Variants in HDAC9 observed in about 807,000 individuals in gnomAD.
HDAC9 encodes histone deacetylase 9, also known as MEF-2 interacting transcription repressor (MITR) protein.
In HDAC9, 41 loss-of-function variants were observed where a neutral mutation model predicts 139.4. That is an observed-to-expected ratio of 0.29 (90% CI 0.23 to 0.38). The LOEUF is 0.38. Ranked by LOEUF, HDAC9 falls within the 10% of genes least tolerant of loss-of-function variation. The pLI, the probability that HDAC9 is intolerant of heterozygous loss-of-function variation, is 1.00. For synonymous variants in HDAC9, 517 were observed against 476.2 expected (o/e 1.09, Z -1.12); for missense variants, 1,147 against 1,297.0 (o/e 0.88, Z 1.78).
intron 1 of HDAC9, among the ~76,000 whole-genome samples, chr7:18,473,979 T>C (rs1380818012): frequency 6.6e-6 from 1 of 152,212 alleles, no homozygotes; most frequent in African/African-American, 2.4e-5. Flanking sequence ...AACTTGTTCT[T>C]AACTTGCCAA....
chr7:18,491,150 C>T (rs1445662736), upstream of HDAC9, among the ~76,000 whole-genome samples: 4 of 151,798 alleles, frequency 2.6e-5, no homozygotes, highest in Admixed American at 6.6e-5. Context: ...ACAACTTGAA[C>T]TCCATAATCT....
chr7:18,246,530 G>A (rs972657371), intron 2 of HDAC9, among the ~76,000 whole-genome samples: 1 of 151,954 alleles, frequency 6.6e-6, no homozygotes, highest in Admixed American at 6.6e-5. Context: ...ACCTTCCTCA[G>A]ACTCCCGGAA....
intron 25 of HDAC9, among the ~76,000 whole-genome samples, chr7:18,986,557 C>CT (rs1250284782): frequency 1.5e-5 from 2 of 136,138 alleles, no homozygotes; most frequent in Admixed American, 7.7e-5. Flanking sequence ...AATGCGGGCT[C>CT]TTTTTTGGTT....
intron 1 of HDAC9, among the ~76,000 whole-genome samples, chr7:18,373,441 G>A (rs1784745807): frequency 6.6e-6 from 1 of 152,134 alleles, no homozygotes; most frequent in South Asian, 2.1e-4. Context: ...GACTGCATAT[G>A]GGATTATTAC....
chr7:18,687,134 T>G (rs932965622), intron 12 of HDAC9, among the ~76,000 whole-genome samples: 2 of 151,876 alleles, frequency 1.3e-5, no homozygotes, highest in African/African-American at 2.4e-5. Flanking sequence ...TAAACATTTA[T>G]GCTTTCTAAT....
At chr7:18,652,959 G>A (rs778164907) in intron 11 of HDAC9, among the ~76,000 whole-genome samples, 15 of 152,042 alleles carry the variant, frequency 9.9e-5, no homozygotes, top group African/African-American at 1.4e-4. Flanking sequence ...AATACAGGCC[G>A]GGTGCAATGG....
chr7:18,775,624 A>G (rs10264358), intron 16 of HDAC9, among the ~76,000 whole-genome samples: 149,423 of 152,078 alleles, frequency 0.98, 73,410 homozygotes, highest in East Asian at 1. Context: ...GTACTGTCCA[A>G]TACCATCCTA....
intron 2 of HDAC9, among the ~76,000 whole-genome samples, chr7:18,273,722 T>G (rs1184899821): frequency 2.6e-5 from 4 of 152,136 alleles, no homozygotes; most frequent in Non-Finnish European, 5.9e-5. Context: ...TGATGAACAT[T>G]AAATATAACA....
At chr7:18,207,829 C>T (rs1463985606) in intron 2 of HDAC9, among the ~76,000 whole-genome samples, 2 of 152,040 alleles carry the variant, frequency 1.3e-5, no homozygotes, top group East Asian at 1.9e-4. Context: ...ATTCTCCTGT[C>T]TCAGCCTTCT....
intron 6 of HDAC9, among the ~76,000 whole-genome samples, chr7:18,626,745 C>T (rs1191456042): frequency 6.6e-6 from 1 of 152,178 alleles, no homozygotes; most frequent in Non-Finnish European, 1.5e-5. Flanking sequence ...CTCAAGTAGA[C>T]AAACAGGAGT....
At chr7:18,468,102 A>G (rs1794440062) in intron 1 of HDAC9, among the ~76,000 whole-genome samples, 1 of 152,126 alleles carries the variant, frequency 6.6e-6, no homozygotes, top group Non-Finnish European at 1.5e-5. Flanking sequence ...TGGTGATGTG[A>G]ACTTTGACCA....
intron 22 of HDAC9, among the ~76,000 whole-genome samples, chr7:18,897,595 T>C (rs969415919): frequency 1.3e-5 from 2 of 151,876 alleles, no homozygotes; most frequent in African/African-American, 4.8e-5. Context: ...TTCAACCATG[T>C]TTTACTGGAG....
At chr7:18,672,773 AAG>A (rs1377195915) in intron 12 of HDAC9, among the ~76,000 whole-genome samples, 4 of 152,002 alleles carry the variant, frequency 2.6e-5, no homozygotes, top group Non-Finnish European at 4.4e-5. Context: ...ATTATTTTCA[AAG>A]AGATATGAAC....
intron 6 of HDAC9, among the ~76,000 whole-genome samples, chr7:18,618,760 A>ATATATG (rs1388208113): frequency 7.5e-6 from 1 of 133,826 alleles, no homozygotes; most frequent in East Asian, 2.2e-4. Context: ...ATATATATAT[A>ATATATG]TGTAGGAATT....
intron 1 of HDAC9, among the ~76,000 whole-genome samples, chr7:18,418,424 C>CAA (rs59702600): frequency 3.1e-4 from 24 of 76,938 alleles, no homozygotes; most frequent in East Asian, 6.7e-4. Context: ...GTATACAAAC[C>CAA]AAAAAAAAAA....
chr7:18,899,115 T>G (rs1801469020), intron 22 of HDAC9, among the ~76,000 whole-genome samples: 1 of 152,008 alleles, frequency 6.6e-6, no homozygotes, highest in African/African-American at 2.4e-5. Flanking sequence ...AAAACATGTT[T>G]TAATGTTAGG....
intron 1 of HDAC9, among the ~76,000 whole-genome samples, chr7:18,144,798 T>C (rs1305438011): frequency 6.6e-6 from 1 of 151,626 alleles, no homozygotes; most frequent in Non-Finnish European, 1.5e-5. Context: ...AGTTTCTGGA[T>C]CATCCTCTTT....
chr7:18,259,374 C>T (rs1297858323), intron 2 of HDAC9, among the ~76,000 whole-genome samples: 1 of 151,590 alleles, frequency 6.6e-6, no homozygotes, highest in East Asian at 1.9e-4. Context: ...CCTGTTTTTT[C>T]TTTTTTGAAA....
chr7:18,851,866 C>T (rs1797324140), intron 21 of HDAC9, among the ~76,000 whole-genome samples: 1 of 152,190 alleles, frequency 6.6e-6, no homozygotes, highest in Non-Finnish European at 1.5e-5. Context: ...AAGTTGGTTT[C>T]CTGAATATTT....
Sources: gnomAD v4.1 joint callset for allele counts (sites outside exome capture counted in the v4.1 genomes callset) on GRCh38, gnomAD v4.1.1 for gene constraint, MANE v1.5 for transcripts, NCBI Gene and HGNC (gene_info 2026-07-23, HGNC 2026-07-21) for gene names.